DLGAP4: variants seen among roughly 807,000 people sequenced by gnomAD.
DLGAP4 encodes DLG associated protein 4, also known as disks large-associated protein 4.
Under a neutral mutation model 86.9 loss-of-function variants are expected in DLGAP4, and 18 were observed. The ratio of observed to expected loss-of-function variants is 0.21; its 90% CI spans 0.14 to 0.31. The LOEUF (loss-of-function observed/expected upper bound fraction) is 0.31. Ranked by LOEUF, DLGAP4 falls within the 10% of genes least tolerant of loss-of-function variation. The pLI is 1.00. For synonymous variants in DLGAP4, 548 were observed against 574.3 expected (o/e 0.95, Z 0.65); for missense variants, 1,085 against 1,362.6 (o/e 0.80, Z 3.21).
At chr20:36,422,548 G>A (rs1160136572) in intron 2 of DLGAP4, among the ~76,000 whole-genome samples, 2 of 152,210 alleles carry the variant, frequency 1.3e-5, no homozygotes, top group Admixed American at 6.5e-5. Context: ...TGGGAAGAAG[G>A]ATTCACAGAA....
chr20:36,515,555 T>G (rs2036987936), intron 10 of DLGAP4, among the ~76,000 whole-genome samples: 1 of 152,184 alleles, frequency 6.6e-6, no homozygotes, highest in South Asian at 2.1e-4. Flanking sequence ...TCTTACCATG[T>G]TATTTTGGGG....
chr20:36,464,500 G>A (rs375910471), intron 7 of DLGAP4, among the ~76,000 whole-genome samples: 47 of 152,060 alleles, frequency 3.1e-4, no homozygotes, highest in African/African-American at 1.1e-3. Flanking sequence ...AGGTCAGGAG[G>A]TCGAGACTGC....
chr20:36,468,402 A>G (rs1426384602), intron 7 of DLGAP4, among the ~76,000 whole-genome samples: 1 of 152,254 alleles, frequency 6.6e-6, no homozygotes, highest in East Asian at 1.9e-4. Flanking sequence ...GCAGCCAGGA[A>G]TCCCCAGTGG....
At chr20:36,463,351 G>T (rs2034187703) in intron 7 of DLGAP4, among the ~76,000 whole-genome samples, 1 of 152,190 alleles carries the variant, frequency 6.6e-6, no homozygotes, top group Non-Finnish European at 1.5e-5. Context: ...GACACGCTTT[G>T]TGAACTGTCA....
At chr20:36,409,412 CTCTTTTTTTTTTTTTTT>C (rs1600493154) in intron 2 of DLGAP4, among the ~76,000 whole-genome samples, 1 of 82,224 alleles carries the variant, frequency 1.2e-5, no homozygotes, top group Non-Finnish European at 2.2e-5. Context: ...TTTTTTTTAA[CTCTTTTTTTTTTTTTTT>C]TAACTCTAAA....
intron 1 of DLGAP4, among the ~76,000 whole-genome samples, chr20:36,325,433 G>A (rs1489643921): frequency 2.0e-5 from 3 of 152,144 alleles, no homozygotes; most frequent in Non-Finnish European, 4.4e-5. Context: ...GTTGTTAGGG[G>A]ATGGAGTGTT....
chr20:36,385,872 C>A (rs750538157), intron 2 of DLGAP4, among the ~76,000 whole-genome samples: 1 of 152,186 alleles, frequency 6.6e-6, no homozygotes, highest in Non-Finnish European at 1.5e-5. Context: ...TACCTATGGC[C>A]TAAGAGATCT....
intron 1 of DLGAP4, among the ~76,000 whole-genome samples, chr20:36,330,837 T>C (rs781833077): frequency 6.6e-6 from 1 of 152,324 alleles, no homozygotes; most frequent in Non-Finnish European, 1.5e-5. Context: ...CCTCCCAAAG[T>C]GCTGGGATTA....
intron 1 of DLGAP4, among the ~76,000 whole-genome samples, chr20:36,363,364 T>C (rs1409983018): frequency 6.6e-6 from 1 of 152,166 alleles, no homozygotes; most frequent in Non-Finnish European, 1.5e-5. Flanking sequence ...CATAGCAGCT[T>C]TATACTCCTT....
intron 2 of DLGAP4, among the ~76,000 whole-genome samples, chr20:36,368,519 G>A (rs2030785934): frequency 6.6e-6 from 1 of 152,222 alleles, no homozygotes; most frequent in South Asian, 2.1e-4. Flanking sequence ...GACTAACCAT[G>A]AAAAGGGCCC....
At chr20:36,333,653 C>T (rs782328208) in intron 1 of DLGAP4, among the ~76,000 whole-genome samples, 4 of 152,176 alleles carry the variant, frequency 2.6e-5, no homozygotes, top group Non-Finnish European at 4.4e-5. Context: ...TGACTCCCCG[C>T]GAACCACTCT....
rs753202130 is a variant in DLGAP4 at position 36,439,766 on chromosome 20, C to T, written c.1254C>T (p.Arg418=). The change falls in exon 5 of 13, where the codon CGC becomes CGT. Residue 418 remains arginine, a synonymous_variant. Transcript: ENST00000339266. ...EQSNPRRSLD[R]LDSVDMLLPS... ...CACTCCCCACCAGGAGTCTGGACCGCCTGGATTCAGTGGACATGCTGCTGC... is the reference window on the plus strand; with the variant it reads ...CACTCCCCACCAGGAGTCTGGACCGTCTGGATTCAGTGGACATGCTGCTGC... 6.2e-7 allele frequency: 1 copy of T among 1,613,424 alleles called. No homozygotes were observed. The highest frequency in any genetic ancestry group is 2.2e-5 in the East Asian group (1 of 44,868).
intron 1 of DLGAP4, among the ~76,000 whole-genome samples, chr20:36,328,375 G>A (rs1296617518): frequency 6.6e-6 from 1 of 151,954 alleles, no homozygotes; most frequent in Non-Finnish European, 1.5e-5. Context: ...GACAAGTTGG[G>A]CCCCAGAGTC....
rs1401270646 is a variant in DLGAP4, at chr20:36,320,005, TCCAGGCCTCCCTCTGTGTCCCCCTCTC to T, written c.-304+13515_-304+13541del. Among the ~76,000 whole-genome samples the T allele has an allele frequency of 1.2e-4, 15 of 120,866 alleles. No individual in the cohort carries two copies. The East Asian group carries it at 2.8e-3, about 22-fold the overall frequency. 79.3% of individuals were successfully genotyped at this position (120,866 alleles called of 152,430 possible). ...CGGGCCTCCCTCTGTGTCCCTCTCC[TCCAGGCCTCCCTCTGTGTCCCCCTCTC>T]CCAGGCCTCCCTCTGTGTCCCTCTC... On this transcript the variant is annotated intron_variant, in intron 1 of 12. Transcript: ENST00000339266.
At chr20:36,443,527 C>A (rs1458247129) in intron 6 of DLGAP4, among the ~76,000 whole-genome samples, 1 of 152,108 alleles carries the variant, frequency 6.6e-6, no homozygotes, top group Non-Finnish European at 1.5e-5. Flanking sequence ...CCCATGTGTC[C>A]CTCTCCCCCA....
intron 1 of DLGAP4, among the ~76,000 whole-genome samples, chr20:36,334,227 G>A (rs2065298785): frequency 6.6e-6 from 1 of 152,202 alleles, no homozygotes; most frequent in Non-Finnish European, 1.5e-5. Flanking sequence ...CAATTAGGGG[G>A]TTGGTCTGCA....
At chr20:36,473,889 T>C (rs573754248) in intron 7 of DLGAP4, among the ~76,000 whole-genome samples, 1 of 152,190 alleles carries the variant, frequency 6.6e-6, no homozygotes, top group Non-Finnish European at 1.5e-5. Context: ...AGAGGTCATA[T>C]GTACCTATAG....
At chr20:36,430,212 C>T (rs1334655637) in intron 2 of DLGAP4, among the ~76,000 whole-genome samples, 1 of 152,228 alleles carries the variant, frequency 6.6e-6, no homozygotes, top group East Asian at 1.9e-4. Context: ...CACCTAAATG[C>T]CACCCTCTTG....
At chr20:36,454,916 C>T (rs2033841013) in intron 7 of DLGAP4, among the ~76,000 whole-genome samples, 1 of 152,244 alleles carries the variant, frequency 6.6e-6, no homozygotes, top group Non-Finnish European at 1.5e-5. Flanking sequence ...CTCCCCCTGT[C>T]TGACCCAGAT....
Sources: gnomAD v4.1 joint callset for allele counts (sites outside exome capture counted in the v4.1 genomes callset) on GRCh38, gnomAD v4.1.1 for gene constraint, MANE v1.5 for transcripts, NCBI Gene and HGNC (gene_info 2026-07-23, HGNC 2026-07-21) for gene names.